Variants in LPP observed in about 807,000 individuals in gnomAD.
LPP encodes the protein lipoma-preferred partner.
Under a neutral mutation model 60.4 loss-of-function variants are expected in LPP, and 38 were observed. The observed-to-expected ratio is 0.63, with a 90% confidence interval of 0.49 to 0.83. The LOEUF (loss-of-function observed/expected upper bound fraction) is 0.83, where lower values mean the gene tolerates loss of function less well. LPP is among the 40% of genes least tolerant of loss of function. LPP has a pLI of 0.00. For synonymous variants in LPP, 328 were observed against 290.8 expected, an observed-to-expected ratio of 1.13 and a Z score of -1.30; for missense variants, 902 against 783.6, an observed-to-expected ratio of 1.15 and a Z score of -1.80.
intron 1 of LPP, among the ~76,000 whole-genome samples, chr3:188,207,490 C>T (rs1426587616): frequency 6.6e-6 from 1 of 152,056 alleles, no homozygotes; most frequent in African/African-American, 2.4e-5. Flanking sequence ...CCTCGGCCTC[C>T]CAAAGTGCTG....
intron 9 of LPP, among the ~76,000 whole-genome samples, chr3:188,797,697 T>C (rs1745789296): frequency 6.6e-6 from 1 of 152,204 alleles, no homozygotes; most frequent in Admixed American, 6.5e-5. Context: ...TCTCTGAAGA[T>C]TCCCTTTGCT....
intron 4 of LPP, among the ~76,000 whole-genome samples, chr3:188,449,599 G>A (rs1018721844): frequency 1.3e-5 from 2 of 152,002 alleles, no homozygotes; most frequent in African/African-American, 4.8e-5. Context: ...AACTTTCTAA[G>A]CTCACATACC....
intron 6 of LPP, among the ~76,000 whole-genome samples, chr3:188,581,598 C>T (rs1836141225): frequency 6.6e-6 from 1 of 152,092 alleles, no homozygotes; most frequent in East Asian, 1.9e-4. Flanking sequence ...CCTGCCACTA[C>T]CCAGGCTGTT....
At chr3:188,664,879 G>A (rs541623612) in intron 7 of LPP, among the ~76,000 whole-genome samples, 11 of 152,198 alleles carry the variant, frequency 7.2e-5, no homozygotes, top group African/African-American at 2.6e-4. Flanking sequence ...GGTGCTACCG[G>A]CATTGAAAGC....
chr3:188,233,141 C>G (rs560010762), intron 2 of LPP, among the ~76,000 whole-genome samples: 1 of 152,312 alleles, frequency 6.6e-6, no homozygotes, highest in South Asian at 2.1e-4. Context: ...ATAGCCTCAA[C>G]ATTTCTAATT....
chr3:188,284,292 A>G (rs1743166883), intron 2 of LPP, among the ~76,000 whole-genome samples: 1 of 152,026 alleles, frequency 6.6e-6, no homozygotes, highest in African/African-American at 2.4e-5. Flanking sequence ...TCAGAGAAAG[A>G]TGGAGTTAGA....
At chr3:188,239,099 A>G (rs988024961) in intron 2 of LPP, among the ~76,000 whole-genome samples, 1 of 152,206 alleles carries the variant, frequency 6.6e-6, no homozygotes, top group African/African-American at 2.4e-5. Flanking sequence ...CAGGAGCAGG[A>G]TGGTAGTGGT....
intron 9 of LPP, among the ~76,000 whole-genome samples, chr3:188,808,512 C>T (rs1749870868): frequency 1.3e-5 from 2 of 152,038 alleles, no homozygotes; most frequent in Non-Finnish European, 2.9e-5. Flanking sequence ...CCACAAGACT[C>T]ACTGTTATTT....
chr3:188,265,858 T>G (rs1424040983), intron 2 of LPP, among the ~76,000 whole-genome samples: 1 of 145,628 alleles, frequency 6.9e-6, no homozygotes, highest in East Asian at 2.0e-4. Flanking sequence ...AGGGCTGTGA[T>G]AGGATTACTC....
chr3:188,736,778 ATATC>A (rs1722677568), intron 8 of LPP, among the ~76,000 whole-genome samples: 1 of 151,920 alleles, frequency 6.6e-6, no homozygotes, highest in Admixed American at 6.6e-5. Flanking sequence ...ATATAAATAT[ATATC>A]TATATTATCC....
intron 1 of LPP, among the ~76,000 whole-genome samples, chr3:188,216,290 T>C (rs528247752): frequency 1.8e-4 from 27 of 150,116 alleles, no homozygotes; most frequent in Admixed American, 4.7e-4. Context: ...TTTTTTTTTT[T>C]TGATGGAGTC....
chr3:188,687,410 T>C (rs912911878), intron 7 of LPP, among the ~76,000 whole-genome samples: 1 of 151,942 alleles, frequency 6.6e-6, no homozygotes, highest in Non-Finnish European at 1.5e-5. Context: ...GGGAGGGAGG[T>C]GATTGGATCG....
chr3:188,362,984 A>T (rs913289728), intron 3 of LPP, among the ~76,000 whole-genome samples: 2 of 151,902 alleles, frequency 1.3e-5, no homozygotes, highest in Admixed American at 1.3e-4. Flanking sequence ...TTTGTTTGAG[A>T]CCCAACTGTT....
intron 2 of LPP, among the ~76,000 whole-genome samples, chr3:188,253,100 T>G (rs1208771733): frequency 1.3e-5 from 2 of 151,418 alleles, no homozygotes; most frequent in Non-Finnish European, 1.5e-5. Flanking sequence ...TAAATTGGGT[T>G]TTTGGTCTTT....
At chr3:188,661,461 T>C (rs1854559376) in intron 7 of LPP, among the ~76,000 whole-genome samples, 2 of 152,194 alleles carry the variant, frequency 1.3e-5, no homozygotes, top group African/African-American at 4.8e-5. Flanking sequence ...CCACCTGCAA[T>C]GAATGCGTGT....
At chr3:188,367,601 C>T (rs1416379733) in intron 3 of LPP, among the ~76,000 whole-genome samples, 1 of 152,142 alleles carries the variant, frequency 6.6e-6, no homozygotes, top group Non-Finnish European at 1.5e-5. Context: ...AGTAAGGATG[C>T]TGTCAAGTCT....
At chr3:188,378,903 T>G (rs978426040) in intron 3 of LPP, among the ~76,000 whole-genome samples, 1 of 152,178 alleles carries the variant, frequency 6.6e-6, no homozygotes, top group African/African-American at 2.4e-5. Flanking sequence ...ATGTATTTCT[T>G]TGTTTATTGA....
chr3:188,541,291 C>A (rs1194447940), intron 6 of LPP, among the ~76,000 whole-genome samples: 5 of 152,120 alleles, frequency 3.3e-5, no homozygotes, highest in Non-Finnish European at 5.9e-5. Context: ...TGGAGTGAGG[C>A]TCAATAATTT....
chr3:188,651,099 A>C (rs1350942742), intron 7 of LPP, among the ~76,000 whole-genome samples: 1 of 152,246 alleles, frequency 6.6e-6, no homozygotes. Flanking sequence ...ACAATTAAAA[A>C]GAAAAAATAA....
Sources: gnomAD v4.1 joint callset for allele counts (sites outside exome capture counted in the v4.1 genomes callset) on GRCh38, gnomAD v4.1.1 for gene constraint, MANE v1.5 for transcripts, NCBI Gene and HGNC (gene_info 2026-07-23, HGNC 2026-07-21) for gene names.